RAD54L: variants seen among roughly 807,000 people sequenced by gnomAD.
RAD54L encodes RAD54 like.
In RAD54L, 74 loss-of-function variants were observed where a neutral mutation model predicts 91.6. The ratio of observed to expected loss-of-function variants is 0.81; its 90% confidence interval spans 0.67 to 0.98. The LOEUF (loss-of-function observed/expected upper bound fraction) is 0.98. Ranked by LOEUF, RAD54L falls within the 50% of genes least tolerant of loss-of-function variation. The pLI is 0.00. For synonymous variants in RAD54L, 304 were observed against 349.7 expected (o/e 0.87, Z 1.46); for missense variants, 887 against 945.7 (o/e 0.94, Z 0.81).
At chr1:46,274,270 G>A in intron 15 of RAD54L, 54 bp downstream of exon 15, 1 of 1,530,536 alleles carries the variant, frequency 6.5e-7, no homozygotes, top group Non-Finnish European at 9.1e-7. Context: ...CAGAATTAAG[G>A]AATGATAGAG....
chr1:46,267,626 G>C lies in RAD54L; in HGVS notation c.1042+17G>C. ...GCATCCTAGGTAAGAATCTAGCCTT[G>C]TTTGCCACATCAGAGAGGAGCCCTG... On this transcript the variant is annotated intron_variant, in intron 9 of 17. Coordinates refer to ENST00000371975, the MANE Select transcript of RAD54L (RefSeq NM_003579.4). 6.3e-7 allele frequency: 1 copy of C among 1,597,238 alleles called. No individual in the cohort carries two copies. The highest frequency in any genetic ancestry group is 8.6e-7 in the Non-Finnish European group (1 of 1,164,816).
intron 8 of RAD54L, among the ~76,000 whole-genome samples, chr1:46,264,211 T>C (rs1569590964): frequency 6.6e-6 from 1 of 152,210 alleles, no homozygotes; most frequent in East Asian, 1.9e-4. Context: ...CCTTGGCTGT[T>C]TACCTTTCTA....
At chr1:46,269,291 T>G (rs183604306) in intron 9 of RAD54L, among the ~76,000 whole-genome samples, 42 of 152,040 alleles carry the variant, frequency 2.8e-4, no homozygotes, top group African/African-American at 9.2e-4. Context: ...TCCATTAGTG[T>G]GAATATTCCA....
intron 12 of RAD54L, 25 bp from the exon 13 acceptor site, chr1:46,273,329 CT>C: frequency 6.4e-7 from 1 of 1,566,380 alleles, no homozygotes; most frequent in Non-Finnish European, 8.8e-7. Context: ...AGCAAAGTAT[CT>C]GGGTTTTGTT....
chr1:46,278,334 G>A lies in RAD54L; in HGVS notation c.*52G>A. On this transcript the variant is annotated 3_prime_UTR_variant, in exon 18 of 18. Transcript: ENST00000371975. The stretch of plus-strand genomic sequence containing the variant: ...TAGAGGAAGGAGATAGGGAAAAGGG[G>A]CTCCTTGCTCCACAGGGCCCTGTTG... 6.6e-7 allele frequency: 1 copy of A among 1,525,482 alleles called. No homozygotes were observed. Among genetic ancestry groups the A allele is most frequent in the South Asian group, 1.2e-5 (1 of 84,220 alleles). 94.5% of individuals were successfully genotyped at this position (1,525,482 alleles called of 1,614,324 possible).
rs1660396557 is a variant in RAD54L, at chr1:46,270,664, G to A, written c.1048G>A (p.Ala350Thr). ...TCCTTCTCTCCTGTGTTTAGGGACT[G>A]CCCATGAATTCAAGAAGCATTTTGA... ...HFVNSGILGT[A>T]HEFKKHFELP... The change falls in exon 10 of 18, where the codon GCC (alanine) becomes ACC (threonine). Residue 350 changes from alanine (A) to threonine (T), a missense_variant. By Grantham distance (58) the Ala-to-Thr change is moderately conservative. Transcript: ENST00000371975. 6.2e-7 allele frequency: 1 copy of A among 1,614,138 alleles called. No homozygotes were observed. Among genetic ancestry groups the A allele is most frequent in the Admixed American group, 1.7e-5 (1 of 60,022 alleles).
intron 16 of RAD54L, 53 bp from the exon 17 acceptor site, chr1:46,277,764 T>C: frequency 6.5e-7 from 1 of 1,542,028 alleles, no homozygotes; most frequent in Non-Finnish European, 8.9e-7. Context: ...TCCCTTTTTA[T>C]GAGGATGGCT....
chr1:46,274,276 T>G (rs761521259), intron 15 of RAD54L, 60 bp downstream of exon 15: 74 of 1,530,542 alleles, frequency 4.8e-5, no homozygotes, highest in Non-Finnish European at 6.4e-5. Flanking sequence ...TAAGGAATGA[T>G]AGAGAAGCTA....
chr1:46,251,097 T>C (rs934253078), intron 3 of RAD54L, among the ~76,000 whole-genome samples: 1 of 151,964 alleles, frequency 6.6e-6, no homozygotes, highest in South Asian at 2.1e-4. Context: ...TCACCTGAGG[T>C]CAGGAGTTCA....
chr1:46,250,942 G>C (rs186572713), intron 3 of RAD54L, among the ~76,000 whole-genome samples: 41 of 151,120 alleles, frequency 2.7e-4, no homozygotes, highest in African/African-American at 1.0e-3. Flanking sequence ...CTGCACTCCA[G>C]CCTGGGCAAG....
At chr1:46,253,756 T>C (rs1305235409) in intron 3 of RAD54L, among the ~76,000 whole-genome samples, 1 of 105,796 alleles carries the variant, frequency 9.5e-6, no homozygotes, top group Non-Finnish European at 1.9e-5. Context: ...CAGAGTCTTG[T>C]GTTCTCACCC....
At position 46,278,398 on chromosome 1, in the gene RAD54L, C is replaced by T. The variant is rs768029186; in HGVS notation, c.*116C>T. The T allele has an allele frequency of 1.5e-4, 180 of 1,212,962 alleles. No individual in the cohort carries two copies. Among genetic ancestry groups the T allele is most frequent in the Non-Finnish European group, 1.9e-4 (164 of 852,560 alleles). The allele number at this position is 1,212,962 out of a possible 1,614,324, so 75.1% of individuals were successfully genotyped here. A position where few individuals can be genotyped will look rare whatever the true frequency, so the allele number is the denominator to read the frequency against. ...GGGAGAAAATCATCAAGAAGGGCTG[C>T]ATGATGTTTGCCCAAAATTTATTTT... On this transcript the variant is annotated 3_prime_UTR_variant, in exon 18 of 18. Transcript: ENST00000371975.
chr1:46,264,445 C>T (rs1332750124), intron 8 of RAD54L, among the ~76,000 whole-genome samples: 1 of 152,272 alleles, frequency 6.6e-6, no homozygotes, highest in Non-Finnish European at 1.5e-5. Context: ...TGTACAAAAT[C>T]TTTGATCCTC....
rs72899063 is a variant in RAD54L at position 46,252,419 on chromosome 1, A to G, written c.210+2300A>G. On this transcript the variant is annotated intron_variant, in intron 3 of 17. Coordinates refer to ENST00000371975, the MANE Select transcript of RAD54L (RefSeq NM_003579.4). ...GGGAAACTAGTGAGAAAGCTATTGCAGGTGGCCAAGCAAGAGAGGATTATG... is the reference window on the plus strand; with the variant it reads ...GGGAAACTAGTGAGAAAGCTATTGCGGGTGGCCAAGCAAGAGAGGATTATG... 7.1e-3 allele frequency among the ~76,000 whole-genome samples: 1,087 copies of G among 152,250 alleles called. 16 individuals carry two copies. The highest frequency in any genetic ancestry group is 0.034 in the Middle Eastern group (10 of 292).
At chr1:46,272,025 C>CTTTTATTTTTT (rs1660443377) in intron 10 of RAD54L, among the ~76,000 whole-genome samples, 1 of 41,170 alleles carries the variant, frequency 2.4e-5, no homozygotes, top group Non-Finnish European at 4.0e-5. Context: ...GGTCTGATGA[C>CTTTTATTTTTT]TTTTTTTTTT....
intron 16 of RAD54L, among the ~76,000 whole-genome samples, chr1:46,276,253 C>T (rs1028637363): frequency 6.6e-6 from 1 of 152,188 alleles, no homozygotes; most frequent in African/African-American, 2.4e-5. Flanking sequence ...TCATGGACCA[C>T]TGCAGCTTCA....
intron 4 of RAD54L, 59 bp from the exon 5 acceptor site, chr1:46,259,905 T>G: frequency 6.2e-7 from 1 of 1,611,956 alleles, no homozygotes; most frequent in Non-Finnish European, 8.5e-7. Flanking sequence ...GTATTTGAGC[T>G]GGGCTTGCTG....
rs1356611440 is a variant in RAD54L, at chr1:46,278,105, G to C, written c.2067G>C (p.Gln689His). Reference protein sequence around the residue: ...LHCRRCVNSRQIRPPPDGSDC... With the variant: ...LHCRRCVNSRHIRPPPDGSDC... ...GCCGACGTTGTGTCAACAGCCGTCA[G>C]ATCCGGCCACCCCCTGATGGTTCTG... The change falls in exon 18 of 18, where the codon CAG becomes CAC. Residue 689 changes from glutamine (Q) to histidine (H), a missense_variant. Transcript: ENST00000371975. The C allele has an allele frequency of 6.2e-7, 1 of 1,613,934 alleles. No individual in the cohort carries two copies. Among genetic ancestry groups the C allele is most frequent in the African/African-American group, 1.3e-5 (1 of 74,938 alleles).
chr1:46,248,331 C>T lies in RAD54L; in HGVS notation c.-75C>T. On this transcript the variant is annotated 5_prime_UTR_variant, in exon 1 of 18. Coordinates refer to ENST00000371975, the MANE Select transcript of RAD54L (RefSeq NM_003579.4). ...CCCCCTCTACAGATTAGACCCTGGT[C>T]CTACACTCTTAGCCGCTGCCTGCTT... The T allele has an allele frequency of 6.3e-7, 1 of 1,580,798 alleles. No individual in the cohort carries two copies. Among genetic ancestry groups the T allele is most frequent in the Non-Finnish European group, 8.7e-7 (1 of 1,153,228 alleles).
Sources: allele counts gnomAD v4.1 joint callset (sites outside exome capture counted in the v4.1 genomes callset), GRCh38; gene constraint gnomAD v4.1.1; transcripts MANE v1.5; gene names NCBI Gene and HGNC (gene_info 2026-07-23, HGNC 2026-07-21).